Variants in FAM153A observed in about 807,000 individuals in gnomAD.
FAM153A encodes family with sequence similarity 153 member A, also known as protein FAM153A.
In FAM153A, 12 loss-of-function variants were observed where a neutral mutation model predicts 48.1. The observed-to-expected ratio is 0.25, with a 90% confidence interval of 0.16 to 0.40. The LOEUF (loss-of-function observed/expected upper bound fraction) is 0.40. Ranked by LOEUF, FAM153A falls within the 10% of genes least tolerant of loss-of-function variation. FAM153A has a pLI of 1.00. For missense variants in FAM153A, 111 were observed against 345.8 expected, an observed-to-expected ratio of 0.32 and a Z score of 5.38; for synonymous variants, 36 against 118.2, an observed-to-expected ratio of 0.30 and a Z score of 4.51.
downstream of FAM153A, chr5:177,717,424 G>A (rs1338105756): frequency 3.3e-5 from 5 of 150,270 alleles, no homozygotes; most frequent in Non-Finnish European, 7.4e-5. Context: ...AAAGGAATGA[G>A]AAAAATCACC....
chr5:177,709,877 G>A (rs1464296552), downstream of FAM153A, among the ~76,000 whole-genome samples: 2 of 119,902 alleles, frequency 1.7e-5, no homozygotes, highest in Non-Finnish European at 3.4e-5. Context: ...TCGGCAGGCT[G>A]GTCTCCAACT....
chr5:177,716,312 A>G lies in FAM153A; in HGVS notation c.*1222+33T>C, dbSNP rs1392157035. 4 of 151,966 alleles carry G rather than the reference A, an allele frequency of 2.6e-5. 1 individual carries two copies. The highest frequency in any genetic ancestry group is 9.7e-5 in the African/African-American group (4 of 41,216). The allele number at this position is 151,966 out of a possible 1,614,324, so 9.4% of individuals were successfully genotyped here. A position where few individuals can be genotyped will look rare whatever the true frequency, so the allele number is the denominator to read the frequency against. The stretch of plus-strand genomic sequence containing the variant: ...TAAATACTTCTTTAGGAGATGGACT[A>G]GAAATGGGTCATCAGAAATTGTTTT... On this transcript the variant is annotated intron_variant and NMD_transcript_variant, in intron 25 of 26. Coordinates refer to the FAM153A transcript ENST00000360669.
chr5:177,778,982 C>A (rs1769444051), intron 1 of FAM153A, among the ~76,000 whole-genome samples: 1 of 115,782 alleles, frequency 8.6e-6, no homozygotes. Context: ...AGAGAGAGCC[C>A]ATCTCTTATA....
At chr5:177,779,220 G>C (rs1477802502) in intron 1 of FAM153A, among the ~76,000 whole-genome samples, 4 of 147,666 alleles carry the variant, frequency 2.7e-5, no homozygotes, top group African/African-American at 1.0e-4. Flanking sequence ...TGTAGGCTGT[G>C]TTATCCACTA....
intron 1 of FAM153A, among the ~76,000 whole-genome samples, chr5:177,758,960 C>T (rs1461914042): frequency 6.6e-6 from 1 of 151,548 alleles, no homozygotes. Context: ...ACAATGAAAG[C>T]CAAAATTAAC....
the FAM153A span, among the ~76,000 whole-genome samples, chr5:177,698,544 C>A: frequency 2.0e-5 from 3 of 151,802 alleles, no homozygotes; most frequent in African/African-American, 7.3e-5. Flanking sequence ...AATCTATATA[C>A]CTCCTTTGTT....
upstream of FAM153A, among the ~76,000 whole-genome samples, chr5:177,757,980 C>A (rs12652701): frequency 0.11 from 12,140 of 113,244 alleles, 4 homozygotes; most frequent in Non-Finnish European, 0.16. Context: ...CTGGCCAGGG[C>A]AATCAGGCAG....
downstream of FAM153A, among the ~76,000 whole-genome samples, chr5:177,717,808 A>G (rs1760197873): frequency 9.9e-6 from 1 of 100,762 alleles, no homozygotes; most frequent in Non-Finnish European, 2.0e-5. Flanking sequence ...AGTCAGGAGA[A>G]GAAAAAAGCA....
intron 1 of FAM153A, among the ~76,000 whole-genome samples, chr5:177,760,171 G>A (rs777915657): frequency 4.8e-4 from 67 of 138,614 alleles, no homozygotes; most frequent in Middle Eastern, 4.2e-3. Flanking sequence ...GAGAGAGTGA[G>A]AAAACTCAAT....
exon 27 of FAM153A, chr5:177,713,071 C>T (rs1758752879): frequency 6.6e-6 from 1 of 151,984 alleles, no homozygotes; most frequent in African/African-American, 2.4e-5. Context: ...TGTCTGAGCA[C>T]AGTCCAGGTG....
chr5:177,712,473 A>G (rs1436729870), exon 27 of FAM153A: 1 of 151,786 alleles, frequency 6.6e-6, no homozygotes, highest in East Asian at 1.9e-4. Flanking sequence ...CTCCACCTCA[A>G]AAGAAAAAAT....
chr5:177,715,644 GCTAAGA>G (rs1340639322), intron 25 of FAM153A, among the ~76,000 whole-genome samples: 1 of 151,636 alleles, frequency 6.6e-6, no homozygotes, highest in Non-Finnish European at 1.5e-5. Flanking sequence ...ATGGCTTCAG[GCTAAGA>G]TTGCTGGGAG....
rs1201388866 is a variant in FAM153A at position 177,778,281 on chromosome 5, A to G, written c.-57+2168T>C. 9.3e-5 allele frequency among the ~76,000 whole-genome samples: 8 copies of G among 86,444 alleles called. 2 individuals are homozygous for G. Among genetic ancestry groups the G allele is most frequent in the Middle Eastern group, 0.011 (2 of 186 alleles). 56.7% of individuals were successfully genotyped at this position (86,444 alleles called of 152,430 possible). A position where few individuals can be genotyped will look rare whatever the true frequency, so the allele number is the denominator to read the frequency against. ...TATAATAAAAAAAAAAAAAAAAAAAAAAAAGAAATAAGTGAAGCAATTGTT... is the reference window on the plus strand; with the variant it reads ...TATAATAAAAAAAAAAAAAAAAAAAGAAAAGAAATAAGTGAAGCAATTGTT... On this transcript the variant is annotated intron_variant, in intron 1 of 8. Transcript: ENST00000393518.
chr5:177,754,669 G>A (rs1430848442), upstream of FAM153A, among the ~76,000 whole-genome samples: 2 of 151,862 alleles, frequency 1.3e-5, no homozygotes, highest in Non-Finnish European at 2.9e-5. Context: ...AGCATCATTT[G>A]CTGTTCCTCA....
chr5:177,759,705 A>C (rs1200197039), intron 1 of FAM153A, among the ~76,000 whole-genome samples: 1 of 151,394 alleles, frequency 6.6e-6, no homozygotes, highest in Non-Finnish European at 1.5e-5. Flanking sequence ...TCAGCAAACT[A>C]TAGCAAGGAC....
chr5:177,749,236 T>C (rs1203191136), intron 2 of FAM153A, among the ~76,000 whole-genome samples: 1 of 151,724 alleles, frequency 6.6e-6, no homozygotes, highest in Non-Finnish European at 1.5e-5. Flanking sequence ...CAAATCCAGA[T>C]GTCTTACTTC....
chr5:177,716,615 C>T, intron 24 of FAM153A, among the ~76,000 whole-genome samples: 1 of 151,688 alleles, frequency 6.6e-6, no homozygotes, highest in Non-Finnish European at 1.5e-5. Context: ...GAGTATTCAA[C>T]TGTATTAAAA....
chr5:177,734,872 C>T (rs749191974), exon 13 of FAM153A: 3 of 1,464,482 alleles, frequency 2.0e-6, no homozygotes, highest in South Asian at 1.2e-5. Context: ...CCTTCACCTC[C>T]TCTGGGTCCT....
At chr5:177,699,452 T>A in the FAM153A span, among the ~76,000 whole-genome samples, 12 of 151,930 alleles carry the variant, frequency 7.9e-5, no homozygotes, top group South Asian at 2.5e-3. Flanking sequence ...TTTAGCTAGC[T>A]AAAACTTTTA....
Sources: gnomAD v4.1 joint callset for allele counts (sites outside exome capture counted in the v4.1 genomes callset) on GRCh38, gnomAD v4.1.1 for gene constraint, MANE v1.5 for transcripts, NCBI Gene and HGNC (gene_info 2026-07-23, HGNC 2026-07-21) for gene names.